ZMAT4: variants seen among roughly 807,000 people sequenced by gnomAD.
ZMAT4 encodes the protein zinc finger matrin-type protein 4.
ZMAT4 carries 17 observed loss-of-function variants against 28.7 expected under a neutral mutation model. The observed-to-expected ratio is 0.59, with a 90% CI of 0.41 to 0.89. The LOEUF is 0.89. Among genes scored for constraint, ZMAT4 ranks in the 40% least tolerant of loss-of-function variants. The probability of loss-of-function intolerance (pLI) is 0.00; values close to 1 mark genes in which losing one functional copy is unlikely to be tolerated. For missense variants in ZMAT4, 240 were observed against 283.8 expected, an observed-to-expected ratio of 0.85 and a Z score of 1.11; for synonymous variants, 117 against 109.2, an observed-to-expected ratio of 1.07 and a Z score of -0.44.
chr8:40,605,784 G>T (rs935202946), intron 5 of ZMAT4, among the ~76,000 whole-genome samples: 8 of 152,020 alleles, frequency 5.3e-5, no homozygotes, highest in Non-Finnish European at 1.2e-4. Context: ...CATTATTATT[G>T]TGTTGCTGTC....
chr8:40,839,141 G>A (rs1295366920), intron 1 of ZMAT4, among the ~76,000 whole-genome samples: 1 of 152,186 alleles, frequency 6.6e-6, no homozygotes, highest in Non-Finnish European at 1.5e-5. Context: ...TGGGCAGGCA[G>A]AAACCAAAAA....
intron 1 of ZMAT4, among the ~76,000 whole-genome samples, chr8:40,851,349 CA>C (rs895112191): frequency 2.7e-5 from 4 of 150,506 alleles, no homozygotes; most frequent in African/African-American, 7.3e-5. Flanking sequence ...AACAAACAAA[CA>C]AAAAAAAACT....
chr8:40,869,798 G>A (rs1817790766), intron 1 of ZMAT4, among the ~76,000 whole-genome samples: 1 of 152,154 alleles, frequency 6.6e-6, no homozygotes, highest in African/African-American at 2.4e-5. Flanking sequence ...ACCACTCAGT[G>A]AAGAGTTCCA....
At chr8:40,764,122 A>G (rs1311894691) in intron 3 of ZMAT4, among the ~76,000 whole-genome samples, 1 of 152,192 alleles carries the variant, frequency 6.6e-6, no homozygotes, top group Non-Finnish European at 1.5e-5. Context: ...GAGACTCTCA[A>G]TGGACTGCGT....
chr8:40,700,379 C>CATCACTT, intron 3 of ZMAT4, among the ~76,000 whole-genome samples: 1 of 143,988 alleles, frequency 6.9e-6, no homozygotes, highest in East Asian at 2.1e-4. Context: ...CTTCCTGGCT[C>CATCACTT]ATCACTTCCT....
intron 6 of ZMAT4, among the ~76,000 whole-genome samples, chr8:40,570,804 G>A (rs768003712): frequency 2.3e-4 from 35 of 152,060 alleles, no homozygotes; most frequent in Non-Finnish European, 4.0e-4. Context: ...TGAGAGACAG[G>A]GCTGACCCTG....
intron 1 of ZMAT4, among the ~76,000 whole-genome samples, chr8:40,827,759 A>C (rs1340796344): frequency 6.6e-6 from 1 of 152,202 alleles, no homozygotes; most frequent in Non-Finnish European, 1.5e-5. Context: ...ATTGGCCTGG[A>C]GTCTAGCACC....
rs570690701 is a variant in ZMAT4 at position 40,793,567 on chromosome 8, G to T, written c.103-25837C>A. 3.3e-5 allele frequency among the ~76,000 whole-genome samples: 5 copies of T among 152,324 alleles called. No individual in the cohort carries two copies. The East Asian group carries it at 9.6e-4, about 29-fold the overall frequency. On this transcript the variant is annotated intron_variant, in intron 2 of 6. Coordinates refer to ENST00000297737, the MANE Select transcript of ZMAT4 (RefSeq NM_024645.3). ...AGCGTTACAAATTTTCCATTTGGGG[G>T]TGTTTCTAAAGCTCTCGTGATGTTT... is the stretch of plus-strand genomic sequence containing the variant.
intron 1 of ZMAT4, among the ~76,000 whole-genome samples, chr8:40,889,254 G>A (rs1218818117): frequency 6.6e-6 from 1 of 152,256 alleles, no homozygotes; most frequent in East Asian, 1.9e-4. Flanking sequence ...CCTGGCTGCA[G>A]CAGAGGTCCA....
intron 5 of ZMAT4, among the ~76,000 whole-genome samples, chr8:40,592,375 T>C (rs1000436689): frequency 1.3e-5 from 2 of 152,192 alleles, no homozygotes; most frequent in African/African-American, 4.8e-5. Context: ...ACTCTATTAC[T>C]CCATACTACC....
chr8:40,875,053 C>G (rs1187724397), intron 1 of ZMAT4, among the ~76,000 whole-genome samples: 2 of 152,186 alleles, frequency 1.3e-5, no homozygotes, highest in South Asian at 2.1e-4. Context: ...GGTACCTCAC[C>G]CAGGAACTGT....
intron 6 of ZMAT4, among the ~76,000 whole-genome samples, chr8:40,573,751 C>T (rs1203036328): frequency 6.6e-6 from 1 of 151,974 alleles, no homozygotes; most frequent in African/African-American, 2.4e-5. Flanking sequence ...GGAAAGAGTG[C>T]CAGGATCATG....
chr8:40,581,322 C>T (rs2118545089), intron 5 of ZMAT4, 61 bp from the exon 6 acceptor site: 4 of 1,400,662 alleles, frequency 2.9e-6, no homozygotes, highest in Non-Finnish European at 4.1e-6. Context: ...GAAATGAATC[C>T]TAGCATCTCC....
chr8:40,750,860 C>T (rs753124214), intron 3 of ZMAT4, among the ~76,000 whole-genome samples: 15 of 152,168 alleles, frequency 9.9e-5, no homozygotes, highest in Admixed American at 2.6e-4. Flanking sequence ...AGTTAGAGAG[C>T]GATTGTGATA....
At chr8:40,644,528 A>AT (rs1246178847) in intron 5 of ZMAT4, among the ~76,000 whole-genome samples, 1 of 152,240 alleles carries the variant, frequency 6.6e-6, no homozygotes, top group East Asian at 1.9e-4. Context: ...AGATTATAGT[A>AT]TAAACTATAA....
chr8:40,870,067 C>T (rs1817799625), intron 1 of ZMAT4, among the ~76,000 whole-genome samples: 2 of 152,164 alleles, frequency 1.3e-5, no homozygotes, highest in African/African-American at 2.4e-5. Flanking sequence ...ACTGCAGACA[C>T]AGGAGTAGCT....
intron 6 of ZMAT4, among the ~76,000 whole-genome samples, chr8:40,534,364 C>T (rs1802781924): frequency 6.6e-6 from 1 of 152,132 alleles, no homozygotes; most frequent in Non-Finnish European, 1.5e-5. Flanking sequence ...AAACACGCAG[C>T]CATCCAATCC....
intron 5 of ZMAT4, among the ~76,000 whole-genome samples, chr8:40,611,039 G>A (rs1254787868): frequency 6.6e-6 from 1 of 151,652 alleles, no homozygotes; most frequent in Non-Finnish European, 1.5e-5. Context: ...TGAGAACAGT[G>A]GTCTGTGCTT....
intron 2 of ZMAT4, among the ~76,000 whole-genome samples, chr8:40,775,339 T>G (rs1433887313): frequency 6.6e-6 from 1 of 152,176 alleles, no homozygotes; most frequent in Non-Finnish European, 1.5e-5. Context: ...GCAGTACAGG[T>G]CAGAGAGGAG....
Sources: allele counts gnomAD v4.1 joint callset (sites outside exome capture counted in the v4.1 genomes callset), GRCh38; gene constraint gnomAD v4.1.1; transcripts MANE v1.5; gene names NCBI Gene and HGNC (gene_info 2026-07-23, HGNC 2026-07-21).